The following LRRC4C variants were observed in gnomAD, a reference collection of about 807,000 sequenced individuals.
LRRC4C encodes the protein leucine-rich repeat-containing protein 4C.
A neutral mutation model predicts 33.6 loss-of-function variants in LRRC4C; 5 were observed. The observed-to-expected ratio is 0.15, with a 90% CI of 0.08 to 0.31. The LOEUF (loss-of-function observed/expected upper bound fraction) is 0.31, where lower values mean the gene tolerates loss of function less well. Among genes scored for constraint, LRRC4C ranks in the 10% least tolerant of loss-of-function variants. The pLI is 1.00. For synonymous variants in LRRC4C, 329 were observed against 302.0 expected, an observed-to-expected ratio of 1.09 and a Z score of -0.93; for missense variants, 560 against 796.7, an observed-to-expected ratio of 0.70 and a Z score of 3.58.
chr11:41,361,231 C>T (rs1443194560), intron 1 of LRRC4C, among the ~76,000 whole-genome samples: 1 of 152,152 alleles, frequency 6.6e-6, no homozygotes, highest in Non-Finnish European at 1.5e-5. Context: ...AAAAGAAACA[C>T]TTTGGCTTTA....
At chr11:41,035,861 A>G (rs1300649378) in intron 1 of LRRC4C, among the ~76,000 whole-genome samples, 1 of 152,140 alleles carries the variant, frequency 6.6e-6, no homozygotes, top group African/African-American at 2.4e-5. Context: ...TAGTGGTAAC[A>G]TTCTTGAAAC....
At chr11:40,909,966 T>G (rs960823423) in intron 2 of LRRC4C, among the ~76,000 whole-genome samples, 4 of 152,186 alleles carry the variant, frequency 2.6e-5, no homozygotes, top group Non-Finnish European at 5.9e-5. Context: ...TAGAAATTTT[T>G]TGTGCATTCC....
chr11:41,450,600 C>T (rs1955986645), intron 1 of LRRC4C, among the ~76,000 whole-genome samples: 1 of 152,016 alleles, frequency 6.6e-6, no homozygotes, highest in Non-Finnish European at 1.5e-5. Context: ...GCTCAGTTTC[C>T]TCATCTGTAT....
intron 2 of LRRC4C, among the ~76,000 whole-genome samples, chr11:40,725,886 G>C (rs1947269983): frequency 1.3e-5 from 2 of 152,052 alleles, no homozygotes; most frequent in African/African-American, 4.8e-5. Flanking sequence ...AAAAACTTCT[G>C]TTTGGCCTCC....
chr11:40,437,465 C>A (rs1951191233), intron 3 of LRRC4C, among the ~76,000 whole-genome samples: 1 of 151,668 alleles, frequency 6.6e-6, no homozygotes, highest in African/African-American at 2.4e-5. Flanking sequence ...ACAATCCCGG[C>A]TCACTGTAGC....
intron 1 of LRRC4C, among the ~76,000 whole-genome samples, chr11:41,357,491 T>A (rs1294668729): frequency 6.6e-6 from 1 of 152,134 alleles, no homozygotes; most frequent in Non-Finnish European, 1.5e-5. Flanking sequence ...ATGTTTCACC[T>A]CTGATGTAGG....
chr11:41,323,006 C>A (rs1352079457), intron 1 of LRRC4C, among the ~76,000 whole-genome samples: 2 of 152,020 alleles, frequency 1.3e-5, no homozygotes, highest in Admixed American at 1.3e-4. Flanking sequence ...GCAGTCTTTT[C>A]ATAATAACTG....
chr11:40,454,556 C>T (rs1382844296), intron 3 of LRRC4C, among the ~76,000 whole-genome samples: 2 of 152,098 alleles, frequency 1.3e-5, no homozygotes, highest in Non-Finnish European at 2.9e-5. Context: ...GAAACTTGTG[C>T]GATTCAACAA....
intron 3 of LRRC4C, among the ~76,000 whole-genome samples, chr11:40,625,099 A>G (rs1353607816): frequency 2.6e-5 from 4 of 152,178 alleles, no homozygotes; most frequent in Non-Finnish European, 5.9e-5. Flanking sequence ...GATATGACAA[A>G]GAAACATTTT....
intron 2 of LRRC4C, among the ~76,000 whole-genome samples, chr11:40,743,912 T>G (rs1948288118): frequency 1.3e-5 from 2 of 152,130 alleles, no homozygotes; most frequent in South Asian, 4.1e-4. Flanking sequence ...GTCTTCTATC[T>G]GGAATGCTCA....
chr11:40,960,939 A>G (rs1191551438), intron 1 of LRRC4C, among the ~76,000 whole-genome samples: 2 of 151,508 alleles, frequency 1.3e-5, no homozygotes, highest in African/African-American at 2.4e-5. Flanking sequence ...ATTGCTTTTT[A>G]TTTTCCTGCC....
intron 3 of LRRC4C, among the ~76,000 whole-genome samples, chr11:40,518,804 T>TGTTTAC (rs3041994): frequency 1.3e-5 from 2 of 151,758 alleles, no homozygotes; most frequent in African/African-American, 4.8e-5. Flanking sequence ...TGCACACATA[T>TGTTTAC]TGCGGCACTA....
At chr11:41,235,065 TA>T (rs1565503915) in intron 1 of LRRC4C, among the ~76,000 whole-genome samples, 2 of 151,594 alleles carry the variant, frequency 1.3e-5, no homozygotes, top group East Asian at 1.9e-4. Context: ...AACATGTGGA[TA>T]AAAAAAAGAG....
At chr11:40,570,361 C>A (rs945134976) in intron 3 of LRRC4C, among the ~76,000 whole-genome samples, 4 of 152,072 alleles carry the variant, frequency 2.6e-5, no homozygotes, top group Admixed American at 2.6e-4. Context: ...CCTAACCTTG[C>A]CCAATACAAA....
intron 3 of LRRC4C, among the ~76,000 whole-genome samples, chr11:40,418,643 A>T (rs1950412702): frequency 6.6e-6 from 1 of 152,234 alleles, no homozygotes; most frequent in South Asian, 2.1e-4. Context: ...TCATTCTATT[A>T]CAAAGATGCA....
chr11:41,352,669 A>G (rs1375824578), intron 1 of LRRC4C, among the ~76,000 whole-genome samples: 1 of 152,184 alleles, frequency 6.6e-6, no homozygotes, highest in Non-Finnish European at 1.5e-5. Context: ...TATACCAATC[A>G]TACTCTTGGA....
At chr11:40,239,284 G>A (rs570198796) in intron 5 of LRRC4C, among the ~76,000 whole-genome samples, 45 of 152,124 alleles carry the variant, frequency 3.0e-4, no homozygotes, top group Non-Finnish European at 3.1e-4. Flanking sequence ...TTTCATGTCC[G>A]TATCCTCTAT....
chr11:41,262,672 A>G (rs1949021062), intron 1 of LRRC4C, among the ~76,000 whole-genome samples: 1 of 152,132 alleles, frequency 6.6e-6, no homozygotes, highest in South Asian at 2.1e-4. Flanking sequence ...TATTTTAGAT[A>G]TTCAACAGTT....
chr11:41,005,499 G>A (rs895341095), intron 1 of LRRC4C, among the ~76,000 whole-genome samples: 1 of 152,170 alleles, frequency 6.6e-6, no homozygotes, highest in Non-Finnish European at 1.5e-5. Context: ...AGCTGCTCGG[G>A]AGGCTGAGGC....
Sources: gnomAD v4.1 joint callset for allele counts (sites outside exome capture counted in the v4.1 genomes callset) on GRCh38, gnomAD v4.1.1 for gene constraint, MANE v1.5 for transcripts, NCBI Gene and HGNC (gene_info 2026-07-23, HGNC 2026-07-21) for gene names.